The following LARP4 variants were observed in gnomAD, a reference collection of about 807,000 sequenced individuals.
LARP4 encodes La ribonucleoprotein 4.
Under a neutral mutation model 92.9 loss-of-function variants are expected in LARP4, and 29 were observed. That is an observed-to-expected ratio of 0.31 (90% CI 0.23 to 0.43). The LOEUF (loss-of-function observed/expected upper bound fraction) is 0.43, where lower values mean the gene tolerates loss of function less well. Among genes scored for constraint, LARP4 ranks in the 20% least tolerant of loss-of-function variants. The pLI is 1.00. For missense variants in LARP4, 732 were observed against 860.0 expected (o/e 0.85, Z 1.86); for synonymous variants, 279 against 284.1 (o/e 0.98, Z 0.18).
chr12:50,405,505 C>T (rs1211101090), intron 1 of LARP4, among the ~76,000 whole-genome samples: 1 of 151,434 alleles, frequency 6.6e-6, no homozygotes, highest in Non-Finnish European at 1.5e-5. Flanking sequence ...CTGCAGCCTC[C>T]ACCTCCCCAG....
chr12:50,440,172 C>G (rs1043406111), intron 6 of LARP4, among the ~76,000 whole-genome samples: 2 of 152,278 alleles, frequency 1.3e-5, no homozygotes, highest in Non-Finnish European at 2.9e-5. Context: ...TGGAGTGGCT[C>G]GTGCCTGTAA....
rs1957643242 is a variant in LARP4 at position 50,477,861 on chromosome 12, A to G, written c.*1997A>G. ...TTAATCATTGACTACATCTATGATA[A>G]AAGTGCTTATTTTGGTTTACTAAGA... On this transcript the variant is annotated 3_prime_UTR_variant, in exon 16 of 16. Transcript: ENST00000398473. 1.3e-5 allele frequency: 2 copies of G among 152,580 alleles called. No individual in the cohort carries two copies. Among genetic ancestry groups the G allele is most frequent in the African/African-American group, 4.8e-5 (2 of 41,468 alleles). The allele number at this position is 152,580 out of a possible 1,614,324, so 9.5% of individuals were successfully genotyped here.
intron 1 of LARP4, among the ~76,000 whole-genome samples, chr12:50,405,708 A>G (rs933044481): frequency 1.3e-5 from 2 of 152,120 alleles, no homozygotes; most frequent in Non-Finnish European, 2.9e-5. Context: ...TGCAGTGACT[A>G]CTGAAATTGG....
chr12:50,418,386 A>G (rs1947207788), intron 1 of LARP4, among the ~76,000 whole-genome samples: 1 of 152,216 alleles, frequency 6.6e-6, no homozygotes, highest in African/African-American at 2.4e-5. Flanking sequence ...TTATACCATA[A>G]TTGTCTCAAT....
chr12:50,436,051 C>CTGTG lies in LARP4; in HGVS notation c.535+465_535+468dup, dbSNP rs57676021. Among the ~76,000 whole-genome samples, 438 of 137,758 alleles carry CTGTG rather than the reference C, an allele frequency of 3.2e-3. 2 individuals carry two copies. Among genetic ancestry groups the CTGTG allele is most frequent in the African/African-American group, 0.012 (404 of 34,818 alleles). 90.4% of individuals were successfully genotyped at this position (137,758 alleles called of 152,430 possible). On this transcript the variant is annotated intron_variant, in intron 5 of 15. Coordinates refer to ENST00000398473, the MANE Select transcript of LARP4 (RefSeq NM_052879.5). Reference sequence around the variant, plus strand: ...CCTTGGCTTCCCATTTTTACTGACTCTGTGTGTGTGTGTGTGTGTGTGTGT... The same window carrying CTGTG: ...CCTTGGCTTCCCATTTTTACTGACTCTGTGTGTGTGTGTGTGTGTGTGTGTGTGT...
At position 50,430,511 on chromosome 12, in the gene LARP4, A is replaced by C; in HGVS notation, c.339A>C (p.Ala113=). ...TACCATCAGGAGAAAGCAATTCAGCAGTTTCTACAGAAGACCTAAAAGAAT... is the reference window on the plus strand; with the variant it reads ...TACCATCAGGAGAAAGCAATTCAGCCGTTTCTACAGAAGACCTAAAAGAAT... ...IYDVSGESNS[A]VSTEDLKECL... The change falls in exon 4 of 16, where the codon GCA becomes GCC. Residue 113 remains alanine (A), a synonymous_variant. Transcript: ENST00000398473. The C allele has an allele frequency of 6.2e-7, 1 of 1,604,498 alleles. No individual in the cohort carries two copies. The highest frequency in any genetic ancestry group is 8.5e-7 in the Non-Finnish European group (1 of 1,172,882).
At chr12:50,418,185 G>A (rs1025887969) in intron 1 of LARP4, among the ~76,000 whole-genome samples, 1 of 151,936 alleles carries the variant, frequency 6.6e-6, no homozygotes, top group Non-Finnish European at 1.5e-5. Flanking sequence ...TTATTAGAGA[G>A]TGTCAGTGTT....
At chr12:50,402,641 C>T in intron 1 of LARP4, 2 of 286,676 alleles carry the variant, frequency 7.0e-6, no homozygotes, top group Non-Finnish European at 6.9e-6. Flanking sequence ...AGGTCTTCTC[C>T]TGTCTCTAAA....
intron 13 of LARP4, among the ~76,000 whole-genome samples, chr12:50,469,535 C>CAG (rs937758957): frequency 4.9e-4 from 68 of 138,782 alleles, no homozygotes; most frequent in Admixed American, 2.5e-4. Context: ...ACCCGGGAGG[C>CAG]AGAGCTTGCA....
chr12:50,407,526 T>A (rs1945076542), intron 1 of LARP4, among the ~76,000 whole-genome samples: 1 of 152,126 alleles, frequency 6.6e-6, no homozygotes, highest in African/African-American at 2.4e-5. Context: ...GGCAGTATGT[T>A]AAAATACACA....
chr12:50,474,728 T>C (rs1336360571), intron 15 of LARP4, among the ~76,000 whole-genome samples: 1 of 152,238 alleles, frequency 6.6e-6, no homozygotes, highest in Non-Finnish European at 1.5e-5. Context: ...GATGAATTTA[T>C]CATTTTGGGG....
intron 8 of LARP4, among the ~76,000 whole-genome samples, chr12:50,444,840 C>T (rs1732270014): frequency 6.6e-6 from 1 of 152,132 alleles, no homozygotes; most frequent in African/African-American, 2.4e-5. Flanking sequence ...TAAGGAACTT[C>T]CATTGGTGTT....
At chr12:50,446,214 GC>G (rs1453694316) in intron 8 of LARP4, among the ~76,000 whole-genome samples, 1 of 148,634 alleles carries the variant, frequency 6.7e-6, no homozygotes, top group Non-Finnish European at 1.5e-5. Context: ...CATCATGTTA[GC>G]CAGGATGGTC....
At chr12:50,453,356 C>T in intron 8 of LARP4, 104 bp from the exon 9 acceptor site, 1 of 615,964 alleles carries the variant, frequency 1.6e-6, no homozygotes, top group East Asian at 2.8e-5. Flanking sequence ...CTACTGTAGG[C>T]AGAAATAGTA....
At chr12:50,428,234 G>C (rs1391250717) in intron 2 of LARP4, among the ~76,000 whole-genome samples, 1 of 151,920 alleles carries the variant, frequency 6.6e-6, no homozygotes, top group Non-Finnish European at 1.5e-5. Flanking sequence ...CACCATATTG[G>C]CCAGGCTGGT....
Position 50,474,132 on chromosome 12 carries a change from A to G in LARP4, c.1801A>G (p.Asn601Asp). The G allele has an allele frequency of 1.9e-6, 3 of 1,613,582 alleles. No homozygotes were observed. Among genetic ancestry groups the G allele is most frequent in the Non-Finnish European group, 2.5e-6 (3 of 1,179,864 alleles). ...GGCAAGTACTGCTTCACCATGTAAT[A>G]ATAACATAAATGCAGCTACAGCTGT... ...SRASTASPCNNNINAATAVAL... is the reference protein window; with the variant it reads ...SRASTASPCNDNINAATAVAL... The change falls in exon 15 of 16, where the codon AAT (asparagine) becomes GAT (aspartate). Residue 601 changes from asparagine to aspartate, a missense_variant. This residue lies in a region of LARP4 where 97 missense variants were observed against 85.9 expected (regional missense o/e 1.13). Transcript: ENST00000398473.
intron 4 of LARP4, among the ~76,000 whole-genome samples, chr12:50,433,546 C>G (rs1565595962): frequency 6.6e-6 from 1 of 152,020 alleles, no homozygotes; most frequent in Non-Finnish European, 1.5e-5. Flanking sequence ...TAAGAATAGA[C>G]CTGCTAAATT....
At chr12:50,474,759 G>A (rs1324997174) in intron 15 of LARP4, among the ~76,000 whole-genome samples, 2 of 152,120 alleles carry the variant, frequency 1.3e-5, no homozygotes, top group Non-Finnish European at 2.9e-5. Flanking sequence ...GAGGCCTTGT[G>A]CCTCTTGATA....
chr12:50,472,977 C>T (rs1454633312), intron 13 of LARP4, among the ~76,000 whole-genome samples: 1 of 151,966 alleles, frequency 6.6e-6, no homozygotes, highest in African/African-American at 2.4e-5. Flanking sequence ...CATGCACCAC[C>T]GTGCCCAGCT....
Sources: allele counts gnomAD v4.1 joint callset (sites outside exome capture counted in the v4.1 genomes callset), GRCh38; gene constraint gnomAD v4.1.1; regional missense constraint gnomAD v4.1.1; transcripts MANE v1.5; gene names NCBI Gene and HGNC (gene_info 2026-07-23, HGNC 2026-07-21).